METTL15: variants seen among roughly 807,000 people sequenced by gnomAD.
METTL15 encodes methyltransferase 15, mitochondrial 12S rRNA N4-cytidine.
A neutral mutation model predicts 38.3 loss-of-function variants in METTL15; 34 were observed. The ratio of observed to expected loss-of-function variants is 0.89; its 90% CI spans 0.68 to 1.18. The LOEUF (loss-of-function observed/expected upper bound fraction) is 1.18. Among genes scored for constraint, METTL15 ranks in the 50% most tolerant of loss-of-function variants. The pLI, the probability that METTL15 is intolerant of heterozygous loss-of-function variation, is 0.00. For synonymous variants in METTL15, 162 were observed against 170.9 expected, an observed-to-expected ratio of 0.95 and a Z score of 0.41; for missense variants, 438 against 498.4, an observed-to-expected ratio of 0.88 and a Z score of 1.15.
chr11:28,121,956 T>C lies in METTL15; in HGVS notation c.270+8352T>C, dbSNP rs544691932. 2.6e-5 allele frequency among the ~76,000 whole-genome samples: 4 copies of C among 152,134 alleles called. No homozygotes were observed. The South Asian group carries it at 8.3e-4, about 32-fold the overall frequency. Reference sequence around the variant, plus strand: ...TGCTGTTGTTAAGGTATTTAAAATCTTTAGGGAGTCAAAGTAAATGCAGAA... The same window carrying C: ...TGCTGTTGTTAAGGTATTTAAAATCCTTAGGGAGTCAAAGTAAATGCAGAA... On this transcript the variant is annotated intron_variant, in intron 3 of 6. Coordinates refer to ENST00000407364, the MANE Select transcript of METTL15 (RefSeq NM_001113528.2).
rs1330676010 is a variant in METTL15, at chr11:28,400,118, A to G, written c.*359-24181A>G. Among the ~76,000 whole-genome samples, 10 of 152,060 alleles carry G rather than the reference A, an allele frequency of 6.6e-5. No homozygotes were observed. The East Asian group carries it at 1.9e-3, about 29-fold the overall frequency. On this transcript the variant is annotated intron_variant and NMD_transcript_variant, in intron 5 of 7. Coordinates refer to the METTL15 transcript ENST00000532947. ...GCAGTAAAGAAAGAGAAATCTTGCC[A>G]TACAGATTTGATTTGGGATCATAGA...
chr11:28,241,003 C>T (rs1057276003), intron 4 of METTL15, among the ~76,000 whole-genome samples: 6 of 152,066 alleles, frequency 3.9e-5, no homozygotes, highest in Non-Finnish European at 7.4e-5. Flanking sequence ...ATGATATACT[C>T]AGTATTTTCT....
At chr11:28,302,568 A>G (rs1035230309) in intron 6 of METTL15, among the ~76,000 whole-genome samples, 1 of 152,116 alleles carries the variant, frequency 6.6e-6, no homozygotes, top group African/African-American at 2.4e-5. Context: ...TGCCATCCAC[A>G]TAAGAGATGA....
intron 4 of METTL15, among the ~76,000 whole-genome samples, chr11:28,238,025 C>T (rs1418980657): frequency 6.6e-6 from 1 of 152,220 alleles, no homozygotes; most frequent in Non-Finnish European, 1.5e-5. Context: ...TGGAGGGTGC[C>T]TCCCAGTTAG....
chr11:28,452,354 G>A (rs1165944532), intron 6 of METTL15, among the ~76,000 whole-genome samples: 1 of 152,180 alleles, frequency 6.6e-6, no homozygotes, highest in Non-Finnish European at 1.5e-5. Flanking sequence ...TAAATGGTCT[G>A]CAGTTTCCCA....
intron 4 of METTL15, among the ~76,000 whole-genome samples, chr11:28,220,250 T>C (rs1171707788): frequency 1.3e-5 from 2 of 152,172 alleles, no homozygotes; most frequent in East Asian, 3.9e-4. Flanking sequence ...TGCTCCTGTA[T>C]TGGGTGCATA....
intron 4 of METTL15, among the ~76,000 whole-genome samples, chr11:28,213,557 G>C (rs921037321): frequency 6.7e-6 from 1 of 148,692 alleles, no homozygotes. Flanking sequence ...TGTCATTACC[G>C]TAATAGAAAT....
At chr11:28,251,327 A>G (rs1041381947) in intron 4 of METTL15, among the ~76,000 whole-genome samples, 1 of 152,096 alleles carries the variant, frequency 6.6e-6, no homozygotes, top group African/African-American at 2.4e-5. Context: ...AAAGTTTACA[A>G]ATAACCCTCT....
intron 5 of METTL15, among the ~76,000 whole-genome samples, chr11:28,374,722 G>C (rs1850286327): frequency 6.6e-6 from 1 of 151,472 alleles, no homozygotes; most frequent in Non-Finnish European, 1.5e-5. Flanking sequence ...AGTGGTGAGA[G>C]AGGGCATCCC....
chr11:28,210,315 A>T (rs1852574865), intron 3 of METTL15, among the ~76,000 whole-genome samples: 1 of 151,944 alleles, frequency 6.6e-6, no homozygotes, highest in Non-Finnish European at 1.5e-5. Flanking sequence ...ATGAGAAATG[A>T]TATGTTACCT....
chr11:28,351,301 G>A (rs1410572026), intron 3 of METTL15, among the ~76,000 whole-genome samples: 1 of 151,962 alleles, frequency 6.6e-6, no homozygotes, highest in Non-Finnish European at 1.5e-5. Flanking sequence ...TAGTAGAAAC[G>A]GGTTTCACTA....
At chr11:28,248,167 G>A (rs1490982007) in intron 4 of METTL15, among the ~76,000 whole-genome samples, 4 of 152,034 alleles carry the variant, frequency 2.6e-5, no homozygotes, top group East Asian at 1.9e-4. Flanking sequence ...AGCCATTAAT[G>A]ATATGGTCCC....
intron 6 of METTL15, among the ~76,000 whole-genome samples, chr11:28,441,508 A>G (rs893413139): frequency 2.0e-5 from 3 of 152,012 alleles, no homozygotes; most frequent in Non-Finnish European, 2.9e-5. Flanking sequence ...TTTGGATTCT[A>G]CTGTCACCTT....
chr11:28,179,256 CATATT>C (rs1214493726), intron 3 of METTL15, among the ~76,000 whole-genome samples: 1 of 151,704 alleles, frequency 6.6e-6, no homozygotes, highest in Non-Finnish European at 1.5e-5. Context: ...GGCTTAAATA[CATATT>C]ATATTTACCC....
intron 6 of METTL15, among the ~76,000 whole-genome samples, chr11:28,310,878 ATGCTGCTGCTGC>A (rs878913369): frequency 0.044 from 2,875 of 64,656 alleles, 271 homozygotes; most frequent in East Asian, 0.23. Flanking sequence ...CCTAGCTTAA[ATGCTGCTGCTGC>A]TGCTGCTGCT....
At chr11:28,456,851 G>A (rs747425882) in intron 6 of METTL15, among the ~76,000 whole-genome samples, 2 of 152,154 alleles carry the variant, frequency 1.3e-5, no homozygotes. Context: ...CTAAGCACCA[G>A]ATATGTGGAT....
At chr11:28,339,411 T>C (rs1374713002) in intron 3 of METTL15, among the ~76,000 whole-genome samples, 1 of 151,770 alleles carries the variant, frequency 6.6e-6, no homozygotes, top group Non-Finnish European at 1.5e-5. Context: ...AGTATAGTAC[T>C]CAACTTTAAG....
At chr11:28,156,612 C>G (rs779519873) in intron 3 of METTL15, among the ~76,000 whole-genome samples, 12 of 151,760 alleles carry the variant, frequency 7.9e-5, no homozygotes, top group Non-Finnish European at 1.6e-4. Context: ...GGCTTTATTC[C>G]CAGGGAGAAG....
At chr11:28,139,707 T>A (rs1426664427) in intron 3 of METTL15, among the ~76,000 whole-genome samples, 1 of 150,828 alleles carries the variant, frequency 6.6e-6, no homozygotes, top group Non-Finnish European at 1.5e-5. Context: ...GAGTAAAGGG[T>A]GTCTTGTGAG....
Sources: allele counts gnomAD v4.1 joint callset (sites outside exome capture counted in the v4.1 genomes callset), GRCh38; gene constraint gnomAD v4.1.1; transcripts MANE v1.5; gene names NCBI Gene and HGNC (gene_info 2026-07-23, HGNC 2026-07-21).